The following FER1L6 variants were observed in gnomAD, a reference collection of about 807,000 sequenced individuals.
FER1L6 encodes the protein fer-1 like family member 6.
FER1L6 carries 177 observed loss-of-function variants against 219.2 expected under a neutral mutation model. That is an observed-to-expected ratio of 0.81 (90% confidence interval 0.71 to 0.91). The LOEUF is 0.91. Ranked by LOEUF, FER1L6 falls within the 40% of genes least tolerant of loss-of-function variation. FER1L6 has a pLI of 0.00. For missense variants in FER1L6, 2,153 were observed against 2,259.9 expected (o/e 0.95, Z 0.96); for synonymous variants, 768 against 824.3 (o/e 0.93, Z 1.17).
chr8:124,030,707 T>C (rs1039126349), intron 18 of FER1L6, among the ~76,000 whole-genome samples: 4 of 152,110 alleles, frequency 2.6e-5, no homozygotes, highest in African/African-American at 9.7e-5. Flanking sequence ...CCATCTAGCT[T>C]TTCCTAGGAT....
chr8:124,056,370 G>A (rs57275714), intron 22 of FER1L6, among the ~76,000 whole-genome samples: 3,223 of 152,284 alleles, frequency 0.021, 108 homozygotes, highest in African/African-American at 0.074. Flanking sequence ...TGTTAACTCT[G>A]CCTGTTTAGA....
Position 124,103,229 on chromosome 8 carries a change from A to G in FER1L6, c.5209A>G (p.Ser1737Gly), listed in dbSNP as rs746079602. The stretch of plus-strand genomic sequence containing the variant: ...TGATCTTGCCAAGTTTGAAAATGCA[A>G]GTGAGGAGACCAAGATCTCTATATT... ...ACDLAKFENASEETKISIFQQ... is the reference protein window; with the variant it reads ...ACDLAKFENAGEETKISIFQQ... The change falls in exon 39 of 41, where the codon AGT becomes GGT. Residue 1737 changes from serine (S) to glycine (G), a missense_variant. By Grantham distance (56) the Ser-to-Gly change is moderately conservative. Transcript: ENST00000522917. 4 of 1,614,134 alleles carry G rather than the reference A, an allele frequency of 2.5e-6. No individual in the cohort carries two copies. The highest frequency in any genetic ancestry group is 3.4e-6 in the Non-Finnish European group (4 of 1,179,998).
At chr8:123,922,142 A>G (rs1813381794) in intron 1 of FER1L6, among the ~76,000 whole-genome samples, 1 of 152,156 alleles carries the variant, frequency 6.6e-6, no homozygotes, top group Non-Finnish European at 1.5e-5. Flanking sequence ...TTCATGGCCA[A>G]CTGGAAACAA....
intron 1 of FER1L6, among the ~76,000 whole-genome samples, chr8:123,913,367 A>C (rs1169157755): frequency 6.6e-6 from 1 of 152,216 alleles, no homozygotes; most frequent in East Asian, 1.9e-4. Flanking sequence ...ATTTACAAAA[A>C]TCTATTCTTT....
intron 12 of FER1L6, 149 bp from the exon 13 acceptor site, chr8:124,003,018 C>G: frequency 1.6e-6 from 1 of 626,936 alleles, no homozygotes; most frequent in Non-Finnish European, 2.9e-6. Context: ...CATTGTCAGT[C>G]TTGTTGGTCT....
chr8:124,101,901 T>G (rs1311953435), intron 38 of FER1L6, among the ~76,000 whole-genome samples: 1 of 152,158 alleles, frequency 6.6e-6, no homozygotes, highest in Non-Finnish European at 1.5e-5. Context: ...ACATGTAAGA[T>G]GTATGTTAGC....
intron 10 of FER1L6, among the ~76,000 whole-genome samples, chr8:123,979,214 A>T (rs1225281463): frequency 1.3e-5 from 2 of 152,232 alleles, no homozygotes; most frequent in Middle Eastern, 3.2e-3. Flanking sequence ...TTGCTTCTTC[A>T]TAATAATAGC....
chr8:124,112,455 C>A (rs966076427), intron 39 of FER1L6, among the ~76,000 whole-genome samples: 1 of 152,214 alleles, frequency 6.6e-6, no homozygotes, highest in Non-Finnish European at 1.5e-5. Context: ...TATCTACGAC[C>A]ATGTTCTTCG....
intron 1 of FER1L6, among the ~76,000 whole-genome samples, chr8:123,906,000 G>T (rs2129750581): frequency 6.6e-6 from 1 of 152,244 alleles, no homozygotes; most frequent in African/African-American, 2.4e-5. Flanking sequence ...AAGCCAAGGG[G>T]CCAGAATTCA....
At chr8:124,059,392 G>C (rs1326951505) in intron 22 of FER1L6, among the ~76,000 whole-genome samples, 9 of 152,046 alleles carry the variant, frequency 5.9e-5, no homozygotes, top group Admixed American at 5.9e-4. Flanking sequence ...AAAAGGCATT[G>C]AATGGTAGAA....
chr8:124,095,069 G>C, intron 35 of FER1L6, 31 bp downstream of exon 35: 1 of 1,613,334 alleles, frequency 6.2e-7, no homozygotes, highest in South Asian at 1.1e-5. Context: ...GGCCCTAAAA[G>C]TTAATCTTGT....
intron 1 of FER1L6, among the ~76,000 whole-genome samples, chr8:123,917,536 C>T (rs1033103189): frequency 2.0e-5 from 3 of 152,264 alleles, no homozygotes; most frequent in South Asian, 2.1e-4. Flanking sequence ...TGAAAGCCTC[C>T]GTGTTCCAGA....
At chr8:123,900,571 T>C (rs374444198) in intron 1 of FER1L6, among the ~76,000 whole-genome samples, 3 of 152,220 alleles carry the variant, frequency 2.0e-5, no homozygotes, top group East Asian at 3.8e-4. Flanking sequence ...TCAGAGGGGA[T>C]GCTTTCAACT....
At chr8:123,957,871 C>T (rs1014107980) in intron 2 of FER1L6, among the ~76,000 whole-genome samples, 2 of 152,212 alleles carry the variant, frequency 1.3e-5, no homozygotes. Flanking sequence ...CTGCTGTCCA[C>T]AGGCCAGCCC....
Position 124,066,491 on chromosome 8 carries a change from G to C in FER1L6, c.3619G>C (p.Ala1207Pro). The C allele has an allele frequency of 6.2e-7, 1 of 1,614,088 alleles. No individual in the cohort carries two copies. The highest frequency in any genetic ancestry group is 1.1e-5 in the South Asian group (1 of 91,078). The change falls in exon 27 of 41, where the codon GCT becomes CCT. Residue 1207 changes from alanine to proline, a missense_variant. Transcript: ENST00000522917. ...AAAGAGGACCATAGCAGATGAATCTGCTGAAAACGTGATTGACTGGTGGTC... is the reference window on the plus strand; with the variant it reads ...AAAGAGGACCATAGCAGATGAATCTCCTGAAAACGTGATTGACTGGTGGTC... ...RRKRTIADES[A>P]ENVIDWWSKY...
At chr8:124,049,829 A>T in intron 22 of FER1L6, 73 bp downstream of exon 22, 1 of 1,469,730 alleles carries the variant, frequency 6.8e-7, no homozygotes, top group Non-Finnish European at 9.5e-7. Flanking sequence ...CACAAATGCC[A>T]CTTCAATGAA....
intron 1 of FER1L6, among the ~76,000 whole-genome samples, chr8:123,855,421 A>G (rs1816615118): frequency 6.6e-6 from 1 of 152,116 alleles, no homozygotes; most frequent in Admixed American, 6.5e-5. Flanking sequence ...TAACTTAAAC[A>G]ATACATAGAG....
At chr8:123,963,459 C>A in intron 3 of FER1L6, 61 bp downstream of exon 3, 1 of 1,579,796 alleles carries the variant, frequency 6.3e-7, no homozygotes, top group South Asian at 1.1e-5. Flanking sequence ...GTGCCAAGCA[C>A]CTCTACAGGT....
intron 17 of FER1L6, among the ~76,000 whole-genome samples, chr8:124,022,664 T>C (rs1818503497): frequency 6.6e-6 from 1 of 152,218 alleles, no homozygotes; most frequent in South Asian, 2.1e-4. Context: ...GTAAGGAAAG[T>C]CATTCAAAGA....
Sources: allele counts gnomAD v4.1 joint callset (sites outside exome capture counted in the v4.1 genomes callset), GRCh38; gene constraint gnomAD v4.1.1; transcripts MANE v1.5; gene names NCBI Gene and HGNC (gene_info 2026-07-23, HGNC 2026-07-21).